The following OR5M9 variants were observed in gnomAD, a reference collection of about 807,000 sequenced individuals.
The protein encoded by OR5M9 is olfactory receptor family 5 subfamily M member 9.
For synonymous variants in OR5M9, 174 were observed against 145.0 expected (o/e 1.20, Z -1.44); for missense variants, 464 against 383.6 (o/e 1.21, Z -1.75).
At position 56,462,941 on chromosome 11, in the gene OR5M9, C is replaced by G. The variant is rs761430682; in HGVS notation, c.461G>C (p.Ser154Thr). 1 of 1,614,010 alleles carries G rather than the reference C, an allele frequency of 6.2e-7. No homozygotes were observed. ...ATAAGTCCATAGTGTGCATATTAGG[C>G]TGACAGAGAATCCATAGACATAAGG... Reference protein sequence around the residue: ...SVPYVYGFSVSLICTLWTYGL... With the variant: ...SVPYVYGFSVTLICTLWTYGL... The change falls in exon 1 of 1, where the codon AGC becomes ACC. Residue 154 changes from serine to threonine, a missense_variant. Ser to Thr is a moderately conservative substitution (Grantham distance 58). Coordinates refer to ENST00000279791, the MANE Select transcript of OR5M9 (RefSeq NM_001004743.1).
chr11:56,463,215 G>A lies in OR5M9; in HGVS notation c.187C>T (p.His63Tyr), dbSNP rs774484067. ...AAGCACACGTCCGCAAAAGACAGAT[G>A]ACTCAGGAAAAAGTACATGGGACTC... is the stretch of plus-strand genomic sequence containing the variant. ...LQSPMYFFLS[H>Y]LSFADVCFSS... is the part of the protein sequence containing the mutation. Residue 63 changes from histidine to tyrosine, a missense_variant, in exon 1 of 1, where the codon CAT becomes TAT. Transcript: ENST00000279791. 6.8e-6 allele frequency: 11 copies of A among 1,613,800 alleles called. No homozygotes were observed. Among genetic ancestry groups the A allele is most frequent in the Non-Finnish European group, 8.5e-6 (10 of 1,179,914 alleles).
rs1565146382 is a variant in OR5M9 at position 56,462,915 on chromosome 11, C to T, written c.487G>A (p.Gly163Ser). The T allele has an allele frequency of 6.2e-7, 1 of 1,614,038 alleles. No homozygotes were observed. The highest frequency in any genetic ancestry group is 2.2e-5 in the East Asian group (1 of 44,852). Residue 163 changes from glycine to serine, a missense_variant, in exon 1 of 1, where the codon GGC becomes AGC. Gly to Ser is a moderately conservative substitution (Grantham distance 56). Coordinates refer to ENST00000279791, the MANE Select transcript of OR5M9 (RefSeq NM_001004743.1). ...TCAAAGTTTCCACAGAAGTATAAGC[C>T]ATAAGTCCATAGTGTGCATATTAGG... ...VSLICTLWTY[G>S]LYFCGNFEIN...
Position 56,462,525 on chromosome 11 carries a change from T to G in OR5M9, c.877A>C (p.Lys293Gln), listed in dbSNP as rs1401382307. ...TTGTTGACTGCTTCTTTTACATCCT[T>G]ATTTCTCAGACTGTAGATCATGGGA... ...LNPMIYSLRN[K>Q]DVKEAVNKAI... The change falls in exon 1 of 1, where the codon AAG becomes CAG. Residue 293 changes from lysine to glutamine, a missense_variant. Coordinates refer to ENST00000279791, the MANE Select transcript of OR5M9 (RefSeq NM_001004743.1). The G allele has an allele frequency of 6.2e-7, 1 of 1,613,798 alleles. No individual in the cohort carries two copies. Among genetic ancestry groups the G allele is most frequent in the Non-Finnish European group, 8.5e-7 (1 of 1,179,704 alleles).
At position 56,463,170 on chromosome 11, in the gene OR5M9, TG is replaced by T. The variant is rs745915826; in HGVS notation, c.231del (p.Met79CysfsTer37). ...ADVCFSSNVT[P>X]KMLENLLSET... is the part of the protein sequence containing the mutation. ...TCTGATAATAAGTTTTCCAGCATTT[TG>T]GGGGTAACGTTGGAGGAGAAGCACA... On this transcript the variant is annotated frameshift_variant, in exon 1 of 1. Transcript: ENST00000279791. LOFTEE classifies it low-confidence loss of function (END_TRUNC). 2 of 1,613,964 alleles carry T rather than the reference TG, an allele frequency of 1.2e-6. No homozygotes were observed. Among genetic ancestry groups the T allele is most frequent in the Non-Finnish European group, 1.7e-6 (2 of 1,179,948 alleles).
chr11:56,462,616 A>C lies in OR5M9; in HGVS notation c.786T>G (p.Thr262=), dbSNP rs762071508. The C allele has an allele frequency of 1.2e-6, 2 of 1,613,870 alleles. No homozygotes were observed. Among genetic ancestry groups the C allele is most frequent in the Non-Finnish European group, 1.7e-6 (2 of 1,179,940 alleles). Residue 262 remains threonine (T), a synonymous_variant, in exon 1 of 1, where the codon ACT becomes ACG. Coordinates refer to ENST00000279791, the MANE Select transcript of OR5M9 (RefSeq NM_001004743.1). ...TTTTGCCCTGCTCTACGGATTCCTC[A>C]GTGGGTCTCCTGAGATACATGAAGA... ...TPIFMYLRRP[T]EESVEQGKMV...
rs1853565786 is a variant in OR5M9 at position 56,462,646 on chromosome 11, G to A, written c.756C>T (p.Thr252=). 1 of 1,613,556 alleles carries A rather than the reference G, an allele frequency of 6.2e-7. No individual in the cohort carries two copies. The highest frequency in any genetic ancestry group is 8.5e-7 in the Non-Finnish European group (1 of 1,179,874). ...GTCTCCTGAGATACATGAAGATGGG[G>A]GTCCCATAAAACATAGAAACAGCCG... The part of the protein sequence containing the change: ...HLTAVSMFYG[T]PIFMYLRRPT... The change falls in exon 1 of 1, where the codon ACC becomes ACT. Residue 252 remains threonine (T), a synonymous_variant. Coordinates refer to ENST00000279791, the MANE Select transcript of OR5M9 (RefSeq NM_001004743.1).
rs1457212599 is a variant in OR5M9 at position 56,462,967 on chromosome 11, C to A, written c.435G>T (p.Val145=). 1 of 1,613,970 alleles carries A rather than the reference C, an allele frequency of 6.2e-7. No homozygotes were observed. Among genetic ancestry groups the A allele is most frequent in the Non-Finnish European group, 8.5e-7 (1 of 1,179,952 alleles). The change falls in exon 1 of 1, where the codon GTG becomes GTT. Residue 145 remains valine, a synonymous_variant. Coordinates refer to ENST00000279791, the MANE Select transcript of OR5M9 (RefSeq NM_001004743.1). ...TGACAGAGAATCCATAGACATAAGGCACAGAGATGAGCCGAACACACACAG... is the reference window on the plus strand; with the variant it reads ...TGACAGAGAATCCATAGACATAAGGAACAGAGATGAGCCGAACACACACAG... The part of the protein sequence containing the change: ...SRTVCVRLIS[V]PYVYGFSVSL...
rs777835699 is a variant in OR5M9 at position 56,463,089 on chromosome 11, C to T, written c.313G>A (p.Val105Ile). The T allele has an allele frequency of 1.1e-5, 18 of 1,613,860 alleles. No homozygotes were observed. The highest frequency in any genetic ancestry group is 4.5e-5 in the East Asian group (2 of 44,878). The stretch of plus-strand genomic sequence containing the variant: ...AGGATATAGACCTCCACGTGGACAA[C>T]GGCAATGAAAAAGTAGCACTGCACC... The part of the protein sequence containing the change: ...CLVQCYFFIA[V>I]VHVEVYILAV... The change falls in exon 1 of 1, where the codon GTT becomes ATT. Residue 105 changes from valine (V) to isoleucine (I), a missense_variant. Physicochemically the swap from Val to Ile is conservative, Grantham distance 29 (BLOSUM62 3). Transcript: ENST00000279791.
chr11:56,462,650 C>T lies in OR5M9; in HGVS notation c.752G>A (p.Gly251Glu). ...SHLTAVSMFY[G>E]TPIFMYLRRP... ...CCTGAGATACATGAAGATGGGGGTC[C>T]CATAAAACATAGAAACAGCCGTCAA... Residue 251 changes from glycine (G) to glutamate (E), a missense_variant, in exon 1 of 1, where the codon GGG (glycine) becomes GAG (glutamate). Physicochemically the swap from Gly to Glu is moderately conservative, Grantham distance 98. Coordinates refer to ENST00000279791, the MANE Select transcript of OR5M9 (RefSeq NM_001004743.1). 1 of 1,613,708 alleles carries T rather than the reference C, an allele frequency of 6.2e-7. No homozygotes were observed. The highest frequency in any genetic ancestry group is 1.1e-5 in the South Asian group (1 of 91,074).
At position 56,463,141 on chromosome 11, in the gene OR5M9, T is replaced by C; in HGVS notation, c.261A>G (p.Thr87=). Residue 87 remains threonine, a synonymous_variant, in exon 1 of 1, where the codon ACA becomes ACG. Transcript: ENST00000279791. ...PKMLENLLSE[T]KTISYVGCLV... is the part of the protein sequence containing the mutation. ...AGCATCCCACATAGGAAATGGTTTT[T>C]GTCTCTGATAATAAGTTTTCCAGCA... The C allele has an allele frequency of 6.2e-7, 1 of 1,614,070 alleles. No homozygotes were observed. The highest frequency in any genetic ancestry group is 8.5e-7 in the Non-Finnish European group (1 of 1,179,984).
In OR5M9 at chr11:56,462,723, G is replaced by C. The variant is rs780409038; in HGVS notation, c.679C>G (p.Arg227Gly). Residue 227 changes from arginine to glycine, a missense_variant, in exon 1 of 1, where the codon CGC (arginine) becomes GGC (glycine). Arg to Gly is a moderately radical substitution (Grantham distance 125). Transcript: ENST00000279791. ...GCCTTCCTCCTGCCATCGGCAGAGC[G>C]CATGCGTAGCACAGCTACTACAATG... ...TLIVVAVLRMRSADGRRKAFS... is the reference protein window; with the variant it reads ...TLIVVAVLRMGSADGRRKAFS... 1.2e-6 allele frequency: 2 copies of C among 1,612,788 alleles called. No individual in the cohort carries two copies. The highest frequency in any genetic ancestry group is 2.7e-5 in the African/African-American group (2 of 74,910).
chr11:56,462,729 G>C lies in OR5M9; in HGVS notation c.673C>G (p.Arg225Gly). 6.2e-7 allele frequency: 1 copy of C among 1,613,058 alleles called. No individual in the cohort carries two copies. The change falls in exon 1 of 1, where the codon CGC (arginine) becomes GGC (glycine). Residue 225 changes from arginine (R) to glycine (G), a missense_variant. Arg to Gly is a moderately radical substitution (Grantham distance 125). Transcript: ENST00000279791. ...SYTLIVVAVLRMRSADGRRKA... is the reference protein window; with the variant it reads ...SYTLIVVAVLGMRSADGRRKA... The stretch of plus-strand genomic sequence containing the variant: ...CTCCTGCCATCGGCAGAGCGCATGC[G>C]TAGCACAGCTACTACAATGAGAGTG...
At position 56,463,168 on chromosome 11, in the gene OR5M9, TTTGGGGGTAACG is replaced by T; in HGVS notation, c.222_233del (p.Asn74_Pro77del). The stretch of plus-strand genomic sequence containing the variant: ...TCTCTGATAATAAGTTTTCCAGCAT[TTTGGGGGTAACG>T]TTGGAGGAGAAGCACACGTCCGCAA... On this transcript the variant is annotated inframe_deletion, in exon 1 of 1. Transcript: ENST00000279791. 6.2e-7 allele frequency: 1 copy of T among 1,613,978 alleles called. No individual in the cohort carries two copies.
rs142650803 is a variant in OR5M9 at position 56,463,310 on chromosome 11, G to A, written c.92C>T (p.Ala31Val). The change falls in exon 1 of 1, where the codon GCG becomes GTG. Residue 31 changes from alanine to valine, a missense_variant. Ala to Val is a moderately conservative substitution (Grantham distance 64). Transcript: ENST00000279791. ...TCCCAACAGAGTGATCATGTAAACC[G>A]CTAGGAACACCACAAAAAAGAGAAC... ...LQVLFFVVFL[A>V]VYMITLLGNI... The A allele has an allele frequency of 9.2e-5, 148 of 1,613,254 alleles. No individual in the cohort carries two copies. The highest frequency in any genetic ancestry group is 1.6e-4 in the Middle Eastern group (1 of 6,082).
At position 56,463,090 on chromosome 11, in the gene OR5M9, G is replaced by A. The variant is rs1853577293; in HGVS notation, c.312C>T (p.Ala104=). The A allele has an allele frequency of 5.0e-6, 8 of 1,613,998 alleles. No homozygotes were observed. The highest frequency in any genetic ancestry group is 2.2e-5 in the East Asian group (1 of 44,868). ...GGATATAGACCTCCACGTGGACAAC[G>A]GCAATGAAAAAGTAGCACTGCACCA... ...GCLVQCYFFI[A]VVHVEVYILA... Residue 104 remains alanine, a synonymous_variant, in exon 1 of 1, where the codon GCC becomes GCT. Coordinates refer to ENST00000279791, the MANE Select transcript of OR5M9 (RefSeq NM_001004743.1).
chr11:56,462,586 C>T lies in OR5M9; in HGVS notation c.816G>A (p.Val272=). The T allele has an allele frequency of 6.2e-7, 1 of 1,613,638 alleles. No homozygotes were observed. Among genetic ancestry groups the T allele is most frequent in the Non-Finnish European group, 8.5e-7 (1 of 1,179,652 alleles). ...GAATTACTGTGGTGTAAAACACAGC[C>T]ACCATTTTGCCCTGCTCTACGGATT... ...TEESVEQGKM[V]AVFYTTVIPM... Residue 272 remains valine, a synonymous_variant, in exon 1 of 1, where the codon GTG becomes GTA. Coordinates refer to ENST00000279791, the MANE Select transcript of OR5M9 (RefSeq NM_001004743.1).
chr11:56,463,210 CAG>C lies in OR5M9; in HGVS notation c.190_191del (p.Leu64ValfsTer55). The C allele has an allele frequency of 2.5e-6, 4 of 1,613,960 alleles. No homozygotes were observed. The highest frequency in any genetic ancestry group is 3.4e-6 in the Non-Finnish European group (4 of 1,179,940). On this transcript the variant is annotated frameshift_variant, in exon 1 of 1. Coordinates refer to ENST00000279791, the MANE Select transcript of OR5M9 (RefSeq NM_001004743.1). LOFTEE classifies it low-confidence loss of function (END_TRUNC). Reference protein sequence around the residue: ...QSPMYFFLSHLSFADVCFSSN... With the variant: ...QSPMYFFLSHXSFADVCFSSN... ...AGGAGAAGCACACGTCCGCAAAAGA[CAG>C]ATGACTCAGGAAAAAGTACATGGGA...
rs1477687376 is a variant in OR5M9 at position 56,463,291 on chromosome 11, C to A, written c.111G>T (p.Leu37=). Residue 37 remains leucine (L), a synonymous_variant, in exon 1 of 1, where the codon CTG becomes CTT. Coordinates refer to ENST00000279791, the MANE Select transcript of OR5M9 (RefSeq NM_001004743.1). The part of the protein sequence containing the change: ...VVFLAVYMIT[L]LGNIGMIILI... ...AAATGATCATACCAATATTTCCCAA[C>A]AGAGTGATCATGTAAACCGCTAGGA... is the stretch of plus-strand genomic sequence containing the variant. 16 of 1,613,534 alleles carry A rather than the reference C, an allele frequency of 9.9e-6. No individual in the cohort carries two copies. Among genetic ancestry groups the A allele is most frequent in the Non-Finnish European group, 1.3e-5 (15 of 1,179,628 alleles).
Position 56,463,227 on chromosome 11 carries a change from A to G in OR5M9, c.175T>C (p.Phe59Leu), listed in dbSNP as rs752929626. Reference sequence around the variant, plus strand: ...GCAAAAGACAGATGACTCAGGAAAAAGTACATGGGACTCTGAAGCTGAGGA... The same window carrying G: ...GCAAAAGACAGATGACTCAGGAAAAGGTACATGGGACTCTGAAGCTGAGGA... Reference protein sequence around the residue: ...ISPQLQSPMYFFLSHLSFADV... With the variant: ...ISPQLQSPMYLFLSHLSFADV... Residue 59 changes from phenylalanine to leucine, a missense_variant, in exon 1 of 1, where the codon TTT (phenylalanine) becomes CTT (leucine). Transcript: ENST00000279791. The G allele has an allele frequency of 1.9e-6, 3 of 1,614,006 alleles. No homozygotes were observed. Among genetic ancestry groups the G allele is most frequent in the East Asian group, 2.2e-5 (1 of 44,830 alleles).
Sources: allele counts gnomAD v4.1 joint callset, GRCh38; gene constraint gnomAD v4.1.1; transcripts MANE v1.5; gene names NCBI Gene and HGNC (gene_info 2026-07-23, HGNC 2026-07-21).